Variants in ZNF500 observed in about 807,000 individuals in gnomAD.
ZNF500 encodes zinc finger protein 500.
ZNF500 carries 31 observed loss-of-function variants against 30.1 expected under a neutral mutation model. That is an observed-to-expected ratio of 1.03 (90% CI 0.77 to 1.39). The LOEUF is 1.39. ZNF500 is among the 40% of genes most tolerant of loss of function. The probability of loss-of-function intolerance (pLI) is 0.00; values close to 1 mark genes in which losing one functional copy is unlikely to be tolerated. For missense variants in ZNF500, 817 were observed against 657.8 expected, an observed-to-expected ratio of 1.24 and a Z score of -2.65; for synonymous variants, 392 against 282.0, an observed-to-expected ratio of 1.39 and a Z score of -3.91.
intron 2 of ZNF500, 92 bp downstream of exon 2, chr16:4,765,473 C>G: frequency 6.7e-7 from 1 of 1,499,776 alleles, no homozygotes; most frequent in South Asian, 1.3e-5. Context: ...GGCAGCCACA[C>G]TTGGTCACCC....
Position 4,762,752 on chromosome 16 carries a change from G to A in ZNF500, c.419C>T (p.Ser140Leu), listed in dbSNP as rs1264285488. 1 of 1,603,798 alleles carries A rather than the reference G, an allele frequency of 6.2e-7. No homozygotes were observed. Among genetic ancestry groups the A allele is most frequent in the South Asian group, 1.1e-5 (1 of 89,826 alleles). The part of the protein sequence containing the change: ...RKPRKHRQRG[S>L]ELLSDDEVPL... Reference sequence around the variant, plus strand: ...CACCTCGTCATCAGAAAGCAGCTCTGAGCCCTGCACACAGACAGTGATCTC... The same window carrying A: ...CACCTCGTCATCAGAAAGCAGCTCTAAGCCCTGCACACAGACAGTGATCTC... The change falls in exon 3 of 6, where the codon TCA becomes TTA. Residue 140 changes from serine to leucine, a missense_variant. By Grantham distance (145) the Ser-to-Leu change is moderately radical. Coordinates refer to ENST00000219478, the MANE Select transcript of ZNF500 (RefSeq NM_021646.4).
In ZNF500 at chr16:4,751,914, A is replaced by C; in HGVS notation, c.*462T>G. On this transcript the variant is annotated 3_prime_UTR_variant, in exon 6 of 6. Coordinates refer to ENST00000219478, the MANE Select transcript of ZNF500 (RefSeq NM_021646.4). ...CACAGCAAGGCCCCGTCTCAAAAAA[A>C]AAAGGGGGGGGGAGCAGGTGGGGGG... is the stretch of plus-strand genomic sequence containing the variant. 3.5e-6 allele frequency: 1 copy of C among 282,124 alleles called. No homozygotes were observed. The highest frequency in any genetic ancestry group is 5.7e-6 in the Non-Finnish European group (1 of 175,908). The allele number at this position is 282,124 out of a possible 1,614,324, so 17.5% of individuals were successfully genotyped here.
chr16:4,766,088 C>T lies in ZNF500; in HGVS notation c.-98-12G>A, dbSNP rs1044982141. On this transcript the variant is annotated splice_polypyrimidine_tract_variant and intron_variant, in intron 1 of 5. Transcript: ENST00000219478. ...TTTTTTTCAGGGCCCTGTGGAGAGACGATAAAACCATCTGAAGGGCAGCCC... is the reference window on the plus strand; with the variant it reads ...TTTTTTTCAGGGCCCTGTGGAGAGATGATAAAACCATCTGAAGGGCAGCCC... The T allele has an allele frequency of 2.2e-5, 30 of 1,333,416 alleles. No homozygotes were observed. Among genetic ancestry groups the T allele is most frequent in the Admixed American group, 2.8e-5 (1 of 35,342 alleles). 82.6% of individuals were successfully genotyped at this position (1,333,416 alleles called of 1,614,324 possible).
chr16:4,766,119 C>A, intron 1 of ZNF500, 43 bp from the exon 2 acceptor site: 1 of 1,040,046 alleles, frequency 9.6e-7, no homozygotes, highest in Non-Finnish European at 1.3e-6. Context: ...AGCCCTGGGG[C>A]TGGATAAGCC....
intron 5 of ZNF500, chr16:4,756,736 T>C (rs1301806815): frequency 2.6e-5 from 4 of 152,172 alleles, no homozygotes; most frequent in African/African-American, 7.2e-5. Context: ...CAGGATGGTC[T>C]CGATCTCTTG....
chr16:4,746,648 T>G, downstream of ZNF500: 1 of 1,238,472 alleles, frequency 8.1e-7, no homozygotes, highest in South Asian at 1.5e-5. Context: ...AATTGAAAAG[T>G]GCTGGCCTAC....
chr16:4,761,476 CAT>C (rs1336496498), intron 4 of ZNF500, among the ~76,000 whole-genome samples: 9 of 37,316 alleles, frequency 2.4e-4, no homozygotes, highest in South Asian at 1.2e-3. Flanking sequence ...AATACACATA[CAT>C]ACACACACAC....
In ZNF500 at chr16:4,748,772, C is replaced by T. The variant is rs1396457298; in HGVS notation, c.*3604G>A. The T allele has an allele frequency of 6.6e-6, 1 of 152,334 alleles. No homozygotes were observed. Among genetic ancestry groups the T allele is most frequent in the Admixed American group, 6.5e-5 (1 of 15,284 alleles). 9.4% of individuals were successfully genotyped at this position (152,334 alleles called of 1,614,324 possible). A position where few individuals can be genotyped will look rare whatever the true frequency, so the allele number is the denominator to read the frequency against. On this transcript the variant is annotated 3_prime_UTR_variant, in exon 6 of 6. Transcript: ENST00000219478. ...GTGGGAAGAGCAGAGAAATCATCAC[C>T]ACCTTGGGCCCCACGGTGCCACGGG...
rs548416672 is a variant in ZNF500, at chr16:4,765,718, C to A, written c.261G>T (p.Glu87Asp). 1 of 1,613,528 alleles carries A rather than the reference C, an allele frequency of 6.2e-7. No homozygotes were observed. Among genetic ancestry groups the A allele is most frequent in the East Asian group, 2.2e-5 (1 of 44,866 alleles). Residue 87 changes from glutamate to aspartate, a missense_variant, in exon 2 of 6, where the codon GAG becomes GAT. Physicochemically the swap from Glu to Asp is conservative, Grantham distance 45. Transcript: ENST00000219478. The stretch of plus-strand genomic sequence containing the variant: ...CCAGCACCAGCAGCTCCAGGATCTG[C>A]TCCTTGGTGCGCAGCTCCGGCCGCA... ...RWLRPELRTK[E>D]QILELLVLEQ...
intron 5 of ZNF500, chr16:4,756,418 A>C (rs1427672856): frequency 6.6e-6 from 1 of 151,904 alleles, no homozygotes. Flanking sequence ...CAGGAGATGG[A>C]GGTTGCAGTG....
At chr16:4,762,218 C>A in intron 4 of ZNF500, 53 bp downstream of exon 4, 4 of 1,583,014 alleles carry the variant, frequency 2.5e-6, no homozygotes, top group South Asian at 2.3e-5. Context: ...GTGTGACACA[C>A]AGGAGGTCGG....
intron 4 of ZNF500, 63 bp downstream of exon 4, chr16:4,762,208 G>A (rs12599765): frequency 0.59 from 921,458 of 1,557,798 alleles, 276,270 homozygotes; most frequent in Non-Finnish European, 0.62. Flanking sequence ...TAACAAGGAA[G>A]TGTGACACAC....
chr16:4,752,083 C>A lies in ZNF500; in HGVS notation c.*293G>T, dbSNP rs190210051. On this transcript the variant is annotated 3_prime_UTR_variant, in exon 6 of 6. Transcript: ENST00000219478. ...CCTTCAGGAGCCAGCCCCACGAACA[C>A]CTTGAGTGTCGGCTTCTGGCCTCCT... is the stretch of plus-strand genomic sequence containing the variant. 10 of 1,318,052 alleles carry A rather than the reference C, an allele frequency of 7.6e-6. No homozygotes were observed. Among genetic ancestry groups the A allele is most frequent in the Admixed American group, 3.7e-5 (1 of 27,356 alleles). The allele number at this position is 1,318,052 out of a possible 1,614,324, so 81.6% of individuals were successfully genotyped here.
downstream of ZNF500, chr16:4,746,798 C>T (rs2082022892): frequency 7.8e-6 from 7 of 898,424 alleles, no homozygotes; most frequent in South Asian, 1.8e-5. Flanking sequence ...AGGACGTCCA[C>T]CGGCCTCCAG....
In ZNF500 at chr16:4,765,295, CAA is replaced by C. The variant is rs1051337883; in HGVS notation, c.414+268_414+269del. On this transcript the variant is annotated intron_variant, in intron 2 of 5. Coordinates refer to ENST00000219478, the MANE Select transcript of ZNF500 (RefSeq NM_021646.4). ...TGGGCAACAGAGCGAGACTATGTCT[CAA>C]AAAAAAAAACATGTTTGGCCTACCC... 5.6e-5 allele frequency among the ~76,000 whole-genome samples: 8 copies of C among 143,100 alleles called. No homozygotes were observed. In the East Asian group the frequency reaches 1.0e-3, roughly 18 times the overall value. The allele number at this position is 143,100 out of a possible 152,430, so 93.9% of individuals were successfully genotyped here.
intron 2 of ZNF500, among the ~76,000 whole-genome samples, chr16:4,763,385 C>T (rs971331722): frequency 2.1e-5 from 3 of 142,240 alleles, no homozygotes; most frequent in Admixed American, 7.5e-5. Context: ...GGCAAAAGAG[C>T]GAGACTCCAT....
chr16:4,758,917 T>C (rs1235975771), intron 5 of ZNF500, among the ~76,000 whole-genome samples: 1 of 151,966 alleles, frequency 6.6e-6, no homozygotes, highest in African/African-American at 2.4e-5. Flanking sequence ...GGAGAAAATA[T>C]TTCCAAATCA....
chr16:4,764,048 G>A (rs2141849462), intron 2 of ZNF500: 2 of 985,432 alleles, frequency 2.0e-6, no homozygotes, highest in Non-Finnish European at 1.2e-6. Flanking sequence ...GAAGCAGCAG[G>A]AATGAGTAAG....
At chr16:4,756,814 C>T (rs1191260724) in intron 5 of ZNF500, among the ~76,000 whole-genome samples, 6 of 152,132 alleles carry the variant, frequency 3.9e-5, no homozygotes, top group African/African-American at 1.4e-4. Context: ...CCGTGCCCGG[C>T]CCAAAAATTT....
Sources: gnomAD v4.1 joint callset for allele counts (sites outside exome capture counted in the v4.1 genomes callset) on GRCh38, gnomAD v4.1.1 for gene constraint, MANE v1.5 for transcripts, NCBI Gene and HGNC (gene_info 2026-07-23, HGNC 2026-07-21) for gene names.